The following TANC2 variants were observed in gnomAD, a reference collection of about 807,000 sequenced individuals.
TANC2 encodes the protein protein TANC2.
TANC2 carries 26 observed loss-of-function variants against 210.5 expected under a neutral mutation model. The observed-to-expected ratio is 0.12, with a 90% confidence interval of 0.09 to 0.17. The LOEUF is 0.17. Among genes scored for constraint, TANC2 ranks in the 10% least tolerant of loss-of-function variants. TANC2 has a pLI of 1.00. For synonymous variants in TANC2, 931 were observed against 967.1 expected, an observed-to-expected ratio of 0.96 and a Z score of 0.69; for missense variants, 2,129 against 2,608.9, an observed-to-expected ratio of 0.82 and a Z score of 4.01.
intron 1 of TANC2, among the ~76,000 whole-genome samples, chr17:63,001,901 A>AT (rs147170185): frequency 0.03 from 4,506 of 152,300 alleles, 84 homozygotes; most frequent in South Asian, 0.037. Context: ...TACAAACAAA[A>AT]ATATGTAATT....
chr17:63,331,695 CA>C (rs947172738), intron 11 of TANC2, among the ~76,000 whole-genome samples: 34 of 152,184 alleles, frequency 2.2e-4, no homozygotes, highest in Non-Finnish European at 3.8e-4. Context: ...AGCAAATGAC[CA>C]GAATTTTTTG....
At chr17:63,121,677 CAGGAAA>C (rs2038484375) in intron 4 of TANC2, among the ~76,000 whole-genome samples, 1 of 152,124 alleles carries the variant, frequency 6.6e-6, no homozygotes, top group Non-Finnish European at 1.5e-5. Flanking sequence ...ACTCACTCTT[CAGGAAA>C]ATATACTACA....
intron 21 of TANC2, among the ~76,000 whole-genome samples, chr17:63,408,699 T>G (rs890138429): frequency 6.6e-6 from 1 of 152,224 alleles, no homozygotes; most frequent in Non-Finnish European, 1.5e-5. Context: ...CCATAGACTC[T>G]AATGACCTCC....
Position 63,420,729 on chromosome 17 carries a change from A to G in TANC2, c.4999A>G (p.Lys1667Glu), listed in dbSNP as rs2049000662. 1.2e-6 allele frequency: 2 copies of G among 1,613,898 alleles called. No homozygotes were observed. The highest frequency in any genetic ancestry group is 1.7e-6 in the Non-Finnish European group (2 of 1,179,906). The change falls in exon 28 of 28, where the codon AAA (lysine) becomes GAA (glutamate). Residue 1667 changes from lysine (K) to glutamate (E), a missense_variant. Lys to Glu is a moderately conservative substitution (Grantham distance 56, BLOSUM62 1). Coordinates refer to ENST00000689528, the Ensembl canonical transcript of TANC2. This position sits in a 1 kb window ranked among gnomAD's most constrained non-coding sequence, Gnocchi z 4.2. ...TGGCAGACCCAAATCTCCATTATCC[A>G]AAATGGCCCAGCGGCCCTACCAGAT...
At chr17:63,053,862 A>G (rs184543307) in intron 2 of TANC2, among the ~76,000 whole-genome samples, 2 of 152,310 alleles carry the variant, frequency 1.3e-5, no homozygotes, top group South Asian at 2.1e-4. Flanking sequence ...TCTCTTTGCC[A>G]TATCTTCAGA....
intron 15 of TANC2, among the ~76,000 whole-genome samples, chr17:63,386,432 T>C (rs1277423873): frequency 6.6e-6 from 1 of 152,164 alleles, no homozygotes; most frequent in Non-Finnish European, 1.5e-5. Flanking sequence ...ATAAAATATC[T>C]GGGATTTTTC....
intron 14 of TANC2, among the ~76,000 whole-genome samples, chr17:63,360,770 C>A (rs560583862): frequency 2.0e-5 from 3 of 152,106 alleles, no homozygotes; most frequent in South Asian, 4.1e-4. Flanking sequence ...CCATGCCCCC[C>A]CTTTCCACCA....
chr17:63,312,975 T>C (rs746393301), intron 9 of TANC2, among the ~76,000 whole-genome samples: 4 of 152,176 alleles, frequency 2.6e-5, no homozygotes, highest in Non-Finnish European at 4.4e-5. Context: ...TTTCAGGCAG[T>C]TTTAAATGAG....
intron 2 of TANC2, among the ~76,000 whole-genome samples, chr17:63,060,913 T>G (rs2144527284): frequency 6.6e-6 from 1 of 152,314 alleles, no homozygotes; most frequent in East Asian, 1.9e-4. Flanking sequence ...TTTTTCTTTA[T>G]AAATCATGTT....
At chr17:63,045,482 C>CA (rs1322083119) in intron 2 of TANC2, among the ~76,000 whole-genome samples, 2 of 152,134 alleles carry the variant, frequency 1.3e-5, no homozygotes, top group East Asian at 1.9e-4. Flanking sequence ...TTTCTTTACT[C>CA]AGAGACTACA....
In TANC2 at chr17:63,412,038, T is replaced by C. The variant is rs1449638267; in HGVS notation, c.3806T>C (p.Val1269Ala). Reference sequence around the variant, plus strand: ...GATCATGGGGCCATGATCGAGCACGTTGACTACAGTGGAATGCGCCCTTTG... The same window carrying C: ...GATCATGGGGCCATGATCGAGCACGCTGACTACAGTGGAATGCGCCCTTTG... Residue 1269 changes from valine (V) to alanine (A), a missense_variant, in exon 23 of 28, where the codon GTT becomes GCT. By Grantham distance (64) the Val-to-Ala change is moderately conservative. Coordinates refer to ENST00000689528, the Ensembl canonical transcript of TANC2. This position sits in a 1 kb window ranked among gnomAD's most constrained non-coding sequence, Gnocchi z 4.2. 3 of 1,613,810 alleles carry C rather than the reference T, an allele frequency of 1.9e-6. No homozygotes were observed. In the South Asian group the frequency reaches 3.3e-5, roughly 18 times the overall value.
intron 4 of TANC2, chr17:63,148,085 A>G (rs1247112564): frequency 2.6e-5 from 4 of 152,232 alleles, no homozygotes; most frequent in Non-Finnish European, 5.9e-5. Flanking sequence ...ATGAAAGGAA[A>G]CAAACACAGA....
At chr17:63,284,193 C>G (rs1167432412) in intron 9 of TANC2, among the ~76,000 whole-genome samples, 2 of 151,820 alleles carry the variant, frequency 1.3e-5, no homozygotes. Flanking sequence ...TGTCAGAATT[C>G]CTCAACATCA....
At chr17:63,222,914 CAT>C (rs1321174428) in intron 7 of TANC2, among the ~76,000 whole-genome samples, 3 of 152,154 alleles carry the variant, frequency 2.0e-5, no homozygotes, top group African/African-American at 7.2e-5. Context: ...TGGATAAACA[CAT>C]GTGGCATATA....
chr17:63,146,504 G>A (rs1037560006), intron 4 of TANC2, among the ~76,000 whole-genome samples: 1 of 151,944 alleles, frequency 6.6e-6, no homozygotes, highest in African/African-American at 2.4e-5. Context: ...ATCCAACTTT[G>A]TGAAAATACT....
intron 7 of TANC2, among the ~76,000 whole-genome samples, chr17:63,234,225 A>G (rs552498563): frequency 5.9e-5 from 9 of 152,306 alleles, no homozygotes; most frequent in African/African-American, 2.2e-4. Context: ...TTAAGAGTAC[A>G]GTACTATATT....
At chr17:63,175,533 C>CCA (rs1364759254) in intron 5 of TANC2, among the ~76,000 whole-genome samples, 69 of 103,344 alleles carry the variant, frequency 6.7e-4, no homozygotes, top group East Asian at 1.3e-3. Flanking sequence ...TCTCCCCCGC[C>CCA]AAAAAAAAAA....
chr17:63,167,033 A>C (rs1454556724), intron 5 of TANC2, among the ~76,000 whole-genome samples: 2 of 152,186 alleles, frequency 1.3e-5, no homozygotes, highest in African/African-American at 4.8e-5. Context: ...ATGGAGAAAG[A>C]AAGCATTCTG....
chr17:63,048,751 A>G (rs1251443102), intron 2 of TANC2, among the ~76,000 whole-genome samples: 1 of 152,188 alleles, frequency 6.6e-6, no homozygotes, highest in African/African-American at 2.4e-5. Context: ...TGATGAGTAC[A>G]CATGGAGACA....
Sources: allele counts gnomAD v4.1 joint callset (sites outside exome capture counted in the v4.1 genomes callset), GRCh38; gene constraint gnomAD v4.1.1; non-coding constraint Gnocchi (gnomAD v3.1); transcripts MANE v1.5; gene names NCBI Gene and HGNC (gene_info 2026-07-23, HGNC 2026-07-21).